SUFU: variants seen among roughly 807,000 people sequenced by gnomAD.
SUFU encodes the protein suppressor of fused homolog.
SUFU carries 7 observed loss-of-function variants against 58.9 expected under a neutral mutation model. That is an observed-to-expected ratio of 0.12 (90% CI 0.07 to 0.22). The LOEUF is 0.22. SUFU is among the 10% of genes least tolerant of loss of function. SUFU has a pLI of 1.00. For synonymous variants in SUFU, 232 were observed against 254.8 expected (o/e 0.91, Z 0.85); for missense variants, 451 against 641.3 (o/e 0.70, Z 3.20).
At chr10:102,570,715 G>C (rs1363574608) in intron 3 of SUFU, among the ~76,000 whole-genome samples, 1 of 152,026 alleles carries the variant, frequency 6.6e-6, no homozygotes, top group Non-Finnish European at 1.5e-5. Flanking sequence ...TGTGCTTCTT[G>C]GTGTAAACTA....
chr10:102,504,366 C>A (rs1276112476), intron 1 of SUFU, 32 bp downstream of exon 1: 1 of 1,612,984 alleles, frequency 6.2e-7, no homozygotes, highest in South Asian at 1.1e-5. Context: ...GACGGACAGG[C>A]GCGGGCTGGA....
rs188018756 is a variant in SUFU, at chr10:102,536,632, G to A, written c.318-13338G>A. 2.6e-3 allele frequency among the ~76,000 whole-genome samples: 399 copies of A among 151,862 alleles called. 4 individuals carry two copies. Among genetic ancestry groups the A allele is most frequent in the African/African-American group, 9.1e-3 (375 of 41,400 alleles). Reference sequence around the variant, plus strand: ...CTGCCTCGGCCTCCCAAAGTGTTGAGATTTCAGGCGTGAGCCACCATGCCT... The same window carrying A: ...CTGCCTCGGCCTCCCAAAGTGTTGAAATTTCAGGCGTGAGCCACCATGCCT... On this transcript the variant is annotated intron_variant, in intron 2 of 11. Coordinates refer to ENST00000369902, the MANE Select transcript of SUFU (RefSeq NM_016169.4).
chr10:102,535,192 A>G (rs2062722349), intron 2 of SUFU, among the ~76,000 whole-genome samples: 1 of 152,178 alleles, frequency 6.6e-6, no homozygotes, highest in African/African-American at 2.4e-5. Flanking sequence ...AGGGGGAAAG[A>G]AAGAGACAAC....
chr10:102,612,560 T>A (rs1045616978), intron 8 of SUFU, among the ~76,000 whole-genome samples: 7 of 152,178 alleles, frequency 4.6e-5, no homozygotes, highest in African/African-American at 1.7e-4. Context: ...CCCTGTGTGC[T>A]GTTGATTCTT....
At chr10:102,572,895 C>T (rs1222173444) in intron 3 of SUFU, 1 of 826,006 alleles carries the variant, frequency 1.2e-6, no homozygotes. Flanking sequence ...TCTTCACAGC[C>T]TATTTGATCT....
At chr10:102,601,780 A>G (rs548771932) in intron 8 of SUFU, among the ~76,000 whole-genome samples, 1 of 152,038 alleles carries the variant, frequency 6.6e-6, no homozygotes, top group Non-Finnish European at 1.5e-5. Context: ...TTTCACATAC[A>G]CCACATGGAT....
chr10:102,547,578 T>C (rs1157058833), intron 2 of SUFU, among the ~76,000 whole-genome samples: 3 of 152,122 alleles, frequency 2.0e-5, no homozygotes, highest in African/African-American at 7.2e-5. Context: ...TCCTAGCACT[T>C]TGGGAGGCCA....
At chr10:102,567,253 C>T (rs2063101153) in intron 3 of SUFU, among the ~76,000 whole-genome samples, 1 of 151,676 alleles carries the variant, frequency 6.6e-6, no homozygotes, top group Non-Finnish European at 1.5e-5. Flanking sequence ...CCTCGTGATC[C>T]GCCTGCCTCG....
chr10:102,586,732 C>T (rs2063339456), intron 3 of SUFU, among the ~76,000 whole-genome samples: 2 of 152,206 alleles, frequency 1.3e-5, no homozygotes, highest in South Asian at 4.1e-4. Context: ...TTAACAATTT[C>T]TAAGTGTACA....
At chr10:102,601,943 C>T (rs938198896) in intron 8 of SUFU, among the ~76,000 whole-genome samples, 2 of 152,156 alleles carry the variant, frequency 1.3e-5, no homozygotes, top group Non-Finnish European at 2.9e-5. Context: ...CATGGGTCTT[C>T]GCGGGTTTGT....
rs191926428 is a variant in SUFU at position 102,568,146 on chromosome 10, A to G, written c.454+18040A>G. Among the ~76,000 whole-genome samples the G allele has an allele frequency of 2.0e-4, 30 of 152,258 alleles. 1 individual carries two copies. The East Asian group carries it at 5.8e-3, about 29-fold the overall frequency. ...AAAGGACATTAAAAAAATCCAGGCA[A>G]CACTGAAAACATAAAGAAACCTTGT... is the stretch of plus-strand genomic sequence containing the variant. On this transcript the variant is annotated intron_variant, in intron 3 of 11. Coordinates refer to ENST00000369902, the MANE Select transcript of SUFU (RefSeq NM_016169.4).
chr10:102,546,526 G>A (rs1438963117), intron 2 of SUFU, among the ~76,000 whole-genome samples: 2 of 152,196 alleles, frequency 1.3e-5, no homozygotes, highest in African/African-American at 4.8e-5. Flanking sequence ...GAAGATGTGA[G>A]AGACAGCCGC....
At chr10:102,564,851 C>A (rs1192258556) in intron 3 of SUFU, among the ~76,000 whole-genome samples, 1 of 152,136 alleles carries the variant, frequency 6.6e-6, no homozygotes, top group African/African-American at 2.4e-5. Context: ...TACTGACCAA[C>A]TGTAAGACAA....
chr10:102,624,695 A>G (rs1337802381), intron 10 of SUFU, among the ~76,000 whole-genome samples: 1 of 152,202 alleles, frequency 6.6e-6, no homozygotes, highest in Non-Finnish European at 1.5e-5. Context: ...TTGCTCTACT[A>G]AAAGCCACCA....
intron 3 of SUFU, among the ~76,000 whole-genome samples, chr10:102,565,553 T>C (rs1208833446): frequency 6.6e-6 from 1 of 152,214 alleles, no homozygotes; most frequent in Non-Finnish European, 1.5e-5. Flanking sequence ...AGAGTCTATT[T>C]ATTGTTTTTG....
In SUFU at chr10:102,573,367, C is replaced by T; in HGVS notation, c.455-19215C>T. 3 of 398,714 alleles carry T rather than the reference C, an allele frequency of 7.5e-6. 1 individual carries two copies. The highest frequency in any genetic ancestry group is 6.4e-5 in the South Asian group (3 of 46,838). 24.7% of individuals were successfully genotyped at this position (398,714 alleles called of 1,614,324 possible). On this transcript the variant is annotated intron_variant, in intron 3 of 11. Coordinates refer to ENST00000369902, the MANE Select transcript of SUFU (RefSeq NM_016169.4). ...TAGCAAGCATGTGAAGAAATTGGCACCCTTGTACACTGTTGATAGGAATGT... is the reference window on the plus strand; with the variant it reads ...TAGCAAGCATGTGAAGAAATTGGCATCCTTGTACACTGTTGATAGGAATGT...
In SUFU at chr10:102,619,684, C is replaced by T. The variant is rs1468176355; in HGVS notation, c.1296+2256C>T. Reference sequence around the variant, plus strand: ...CAACACCCACACCAGCCCTCCTCCCCCTGCCAGGCAGTCAGCACTTTCTCC... The same window carrying T: ...CAACACCCACACCAGCCCTCCTCCCTCTGCCAGGCAGTCAGCACTTTCTCC... On this transcript the variant is annotated intron_variant, in intron 10 of 11. Coordinates refer to ENST00000369902, the MANE Select transcript of SUFU (RefSeq NM_016169.4). This position sits in a 1 kb window ranked among gnomAD's most constrained non-coding sequence, Gnocchi z 4.2. 6.6e-6 allele frequency among the ~76,000 whole-genome samples: 1 copy of T among 152,220 alleles called. No homozygotes were observed. Among genetic ancestry groups the T allele is most frequent in the Non-Finnish European group, 1.5e-5 (1 of 68,028 alleles).
At chr10:102,531,489 C>G (rs532374983) in intron 2 of SUFU, among the ~76,000 whole-genome samples, 1 of 152,062 alleles carries the variant, frequency 6.6e-6, no homozygotes, top group African/African-American at 2.4e-5. Flanking sequence ...TTCCTTTGTT[C>G]GGCTGCTTTC....
In SUFU at chr10:102,628,869, C is replaced by T. The variant is rs762593322; in HGVS notation, c.1366-1197C>T. 6.6e-6 allele frequency among the ~76,000 whole-genome samples: 1 copy of T among 152,088 alleles called. No individual in the cohort carries two copies. The highest frequency in any genetic ancestry group is 1.5e-5 in the Non-Finnish European group (1 of 68,024). ...GCCTAGCCAAATTAGAAAAGACAGACCCTGGGCCGGGCGCAGTGACTCATG... is the reference window on the plus strand; with the variant it reads ...GCCTAGCCAAATTAGAAAAGACAGATCCTGGGCCGGGCGCAGTGACTCATG... On this transcript the variant is annotated intron_variant, in intron 11 of 11. Transcript: ENST00000369902. The surrounding 1 kb of genome is among the most constrained non-coding windows in gnomAD (Gnocchi z 4.5).
Sources: gnomAD v4.1 joint callset for allele counts (sites outside exome capture counted in the v4.1 genomes callset) on GRCh38, gnomAD v4.1.1 for gene constraint, Gnocchi (gnomAD v3.1) non-coding constraint, MANE v1.5 for transcripts, NCBI Gene and HGNC (gene_info 2026-07-23, HGNC 2026-07-21) for gene names.